The following PKNOX2 variants were observed in gnomAD, a reference collection of about 807,000 sequenced individuals.
The protein encoded by PKNOX2 is PBX/knotted 1 homeobox 2.
In PKNOX2, 14 loss-of-function variants were observed where a neutral mutation model predicts 53.1. That is an observed-to-expected ratio of 0.26 (90% CI 0.17 to 0.41). PKNOX2 has a LOEUF of 0.41. PKNOX2 is among the 10% of genes least tolerant of loss of function. The pLI is 1.00. For missense variants in PKNOX2, 496 were observed against 602.8 expected (o/e 0.82, Z 1.85); for synonymous variants, 257 against 242.8 (o/e 1.06, Z -0.54).
intron 10 of PKNOX2, among the ~76,000 whole-genome samples, chr11:125,421,988 G>C (rs1956197470): frequency 6.6e-6 from 1 of 152,172 alleles, no homozygotes; most frequent in African/African-American, 2.4e-5. Context: ...TGGTTAACAG[G>C]GTTTGGTTGG....
chr11:125,426,634 G>T (rs1956440931), intron 10 of PKNOX2, among the ~76,000 whole-genome samples: 1 of 142,972 alleles, frequency 7.0e-6, no homozygotes, highest in African/African-American at 2.5e-5. Flanking sequence ...CACTAGCTCT[G>T]CTCAAGAAAC....
intron 2 of PKNOX2, among the ~76,000 whole-genome samples, chr11:125,314,014 C>T (rs1948993604): frequency 2.0e-5 from 3 of 152,206 alleles, no homozygotes; most frequent in Non-Finnish European, 1.5e-5. Context: ...CCAGTAAGCA[C>T]TGGCCATTAT....
intron 7 of PKNOX2, among the ~76,000 whole-genome samples, chr11:125,399,138 A>T (rs1565516255): frequency 6.6e-6 from 1 of 152,222 alleles, no homozygotes; most frequent in Non-Finnish European, 1.5e-5. Context: ...ATCACATCCA[A>T]CCCACCCCAG....
intron 3 of PKNOX2, among the ~76,000 whole-genome samples, chr11:125,342,899 A>G (rs1350325074): frequency 2.6e-5 from 4 of 152,004 alleles, no homozygotes; most frequent in Non-Finnish European, 2.9e-5. Flanking sequence ...AAAAAGGAAA[A>G]TAATTGAATA....
At chr11:125,261,877 G>C (rs1195564111) in intron 2 of PKNOX2, among the ~76,000 whole-genome samples, 1 of 152,276 alleles carries the variant, frequency 6.6e-6, no homozygotes, top group East Asian at 1.9e-4. Context: ...TGCAGAGCCA[G>C]GTCTTAAATT....
intron 6 of PKNOX2, among the ~76,000 whole-genome samples, chr11:125,389,269 A>G (rs1044049739): frequency 6.6e-6 from 1 of 152,200 alleles, no homozygotes; most frequent in Non-Finnish European, 1.5e-5. Context: ...CTGGGATATA[A>G]GTTCACAGAA....
intron 2 of PKNOX2, among the ~76,000 whole-genome samples, chr11:125,319,416 C>T (rs1273298163): frequency 2.0e-5 from 3 of 152,182 alleles, no homozygotes; most frequent in Non-Finnish European, 4.4e-5. Context: ...AAAAATTGTA[C>T]TGATAAACTT....
chr11:125,412,958 G>C (rs1955651656), intron 10 of PKNOX2, among the ~76,000 whole-genome samples: 1 of 152,214 alleles, frequency 6.6e-6, no homozygotes. Context: ...GGCAGCAGAA[G>C]ACTGACTGGG....
intron 6 of PKNOX2, among the ~76,000 whole-genome samples, chr11:125,386,870 A>G (rs1303236592): frequency 3.6e-5 from 5 of 138,170 alleles, no homozygotes; most frequent in Non-Finnish European, 8.1e-5. Context: ...AGCTGCCAGG[A>G]GAGCCCACCC....
At chr11:125,252,209 T>A (rs1480519320) in intron 2 of PKNOX2, among the ~76,000 whole-genome samples, 1 of 152,156 alleles carries the variant, frequency 6.6e-6, no homozygotes, top group African/African-American at 2.4e-5. Flanking sequence ...GTGAATCACA[T>A]CCTGGTAGCC....
intron 1 of PKNOX2, among the ~76,000 whole-genome samples, chr11:125,233,440 GCTGGTGGTGGACT>G (rs1228145288): frequency 6.6e-6 from 1 of 152,252 alleles, no homozygotes; most frequent in East Asian, 1.9e-4. Flanking sequence ...GTTCTGAGGT[GCTGGTGGTGGACT>G]CTGCTTGGAA....
chr11:125,308,038 C>G (rs1948574663), intron 2 of PKNOX2, among the ~76,000 whole-genome samples: 1 of 152,200 alleles, frequency 6.6e-6, no homozygotes, highest in African/African-American at 2.4e-5. Context: ...ACAGAGAAGG[C>G]AGTGTGGGCA....
intron 2 of PKNOX2, among the ~76,000 whole-genome samples, chr11:125,254,299 G>C (rs973317915): frequency 2.0e-5 from 3 of 152,196 alleles, no homozygotes; most frequent in African/African-American, 7.2e-5. Context: ...CATTTGCCAG[G>C]GCTGCAAAGG....
intron 10 of PKNOX2, among the ~76,000 whole-genome samples, chr11:125,426,396 A>G (rs1956421766): frequency 6.6e-6 from 1 of 152,108 alleles, no homozygotes; most frequent in Non-Finnish European, 1.5e-5. Context: ...CTTCCCATCT[A>G]GTCTGTGAGT....
intron 10 of PKNOX2, 133 bp from the exon 11 acceptor site, chr11:125,428,879 A>C (rs1231533680): frequency 1.2e-6 from 1 of 834,374 alleles, no homozygotes; most frequent in Non-Finnish European, 1.9e-6. Context: ...CAAACATGAC[A>C]CTTCCCCAAT....
intron 5 of PKNOX2, among the ~76,000 whole-genome samples, chr11:125,384,643 C>T (rs1386983775): frequency 2.0e-5 from 3 of 152,192 alleles, no homozygotes; most frequent in Non-Finnish European, 2.9e-5. Context: ...CGAGTTCAAG[C>T]CACTGCACTC....
intron 2 of PKNOX2, among the ~76,000 whole-genome samples, chr11:125,246,734 G>A (rs1015349670): frequency 1.3e-5 from 2 of 152,114 alleles, no homozygotes; most frequent in Non-Finnish European, 2.9e-5. Context: ...GACCCTAGAT[G>A]GGGACTCAAG....
chr11:125,305,760 G>A (rs1948404519), intron 2 of PKNOX2, among the ~76,000 whole-genome samples: 1 of 152,186 alleles, frequency 6.6e-6, no homozygotes, highest in South Asian at 2.1e-4. Context: ...CAAACCGACT[G>A]AAGTGTGGTG....
At chr11:125,340,932 C>T (rs1265461810) in intron 3 of PKNOX2, among the ~76,000 whole-genome samples, 1 of 151,666 alleles carries the variant, frequency 6.6e-6, no homozygotes, top group African/African-American at 2.4e-5. Flanking sequence ...CACCTGTAGT[C>T]CCAGATACTC....
Sources: gnomAD v4.1 joint callset for allele counts (sites outside exome capture counted in the v4.1 genomes callset) on GRCh38, gnomAD v4.1.1 for gene constraint, MANE v1.5 for transcripts, NCBI Gene and HGNC (gene_info 2026-07-23, HGNC 2026-07-21) for gene names.